Variants in TLE1 observed in about 807,000 individuals in gnomAD.
TLE1 encodes TLE family member 1, transcriptional corepressor, also known as transducin-like enhancer protein 1.
Under a neutral mutation model 89.8 loss-of-function variants are expected in TLE1, and 21 were observed. The ratio of observed to expected loss-of-function variants is 0.23; its 90% CI spans 0.17 to 0.34. The LOEUF (loss-of-function observed/expected upper bound fraction) is 0.34. TLE1 is among the 10% of genes least tolerant of loss of function. The pLI is 1.00. For missense variants in TLE1, 795 were observed against 1,031.2 expected, an observed-to-expected ratio of 0.77 and a Z score of 3.14; for synonymous variants, 447 against 407.6, an observed-to-expected ratio of 1.10 and a Z score of -1.16.
At position 81,585,659 on chromosome 9, in the gene TLE1, C is replaced by T; in HGVS notation, c.1978-4G>A. ...GGCAGTACCCCAGGGAGAAGATCTA[C>T]AAGGAGCAAGACAGGCTCACTCATT... On this transcript the variant is annotated splice_region_variant and splice_polypyrimidine_tract_variant and intron_variant, in intron 17 of 19. Transcript: ENST00000376499. 1 of 1,613,920 alleles carries T rather than the reference C, an allele frequency of 6.2e-7. No homozygotes were observed. Among genetic ancestry groups the T allele is most frequent in the Non-Finnish European group, 8.5e-7 (1 of 1,179,948 alleles).
chr9:81,645,456 G>A (rs1199343666), intron 6 of TLE1, among the ~76,000 whole-genome samples: 3 of 151,488 alleles, frequency 2.0e-5, no homozygotes, highest in Admixed American at 1.3e-4. Context: ...AAAGATAAAT[G>A]CTTGCTGGGT....
intron 4 of TLE1, among the ~76,000 whole-genome samples, chr9:81,657,603 T>C (rs1206741934): frequency 6.6e-6 from 1 of 151,922 alleles, no homozygotes; most frequent in Admixed American, 6.6e-5. Flanking sequence ...ATTAAAGTTA[T>C]CAAAAATAAA....
At chr9:81,646,476 A>C (rs1828878138) in intron 6 of TLE1, among the ~76,000 whole-genome samples, 1 of 152,212 alleles carries the variant, frequency 6.6e-6, no homozygotes. Context: ...CAGGATATGC[A>C]TTATTCTCCT....
intron 13 of TLE1, among the ~76,000 whole-genome samples, chr9:81,610,793 T>C (rs574811858): frequency 9.1e-5 from 13 of 143,260 alleles, no homozygotes; most frequent in African/African-American, 3.4e-4. Context: ...CCAGATATTA[T>C]CAAATGTCCT....
intron 4 of TLE1, among the ~76,000 whole-genome samples, chr9:81,683,362 G>C (rs1833860605): frequency 2.0e-5 from 3 of 151,932 alleles, no homozygotes; most frequent in Admixed American, 1.3e-4. Flanking sequence ...CTAATGCCCA[G>C]TTTCCCCCTA....
intron 9 of TLE1, 100 bp from the exon 10 acceptor site, chr9:81,616,799 A>G (rs1824578131): frequency 7.4e-7 from 1 of 1,354,498 alleles, no homozygotes; most frequent in Admixed American, 1.8e-5. Context: ...GACAGACTAA[A>G]AAAACTACCT....
intron 4 of TLE1, among the ~76,000 whole-genome samples, chr9:81,671,996 C>A (rs1832288923): frequency 6.6e-6 from 1 of 152,132 alleles, no homozygotes; most frequent in South Asian, 2.1e-4. Context: ...GTTCTGGGAC[C>A]CAGGCCAACT....
chr9:81,657,238 T>G (rs1830248441), intron 4 of TLE1, among the ~76,000 whole-genome samples: 1 of 152,216 alleles, frequency 6.6e-6, no homozygotes, highest in Non-Finnish European at 1.5e-5. Flanking sequence ...TTGCTCAGCT[T>G]GCCACTTGTC....
At chr9:81,629,323 TA>T (rs1297348077) in intron 8 of TLE1, among the ~76,000 whole-genome samples, 5 of 152,218 alleles carry the variant, frequency 3.3e-5, no homozygotes, top group Non-Finnish European at 5.9e-5. Flanking sequence ...TATCTAAAGT[TA>T]TTTTTTTATT....
At chr9:81,637,644 C>CTTTTT (rs11375860) in intron 6 of TLE1, among the ~76,000 whole-genome samples, 1 of 138,704 alleles carries the variant, frequency 7.2e-6, no homozygotes, top group Non-Finnish European at 1.5e-5. Flanking sequence ...ATGAAAGTTT[C>CTTTTT]TTTTTTTTTT....
chr9:81,592,009 G>C (rs1036587541), intron 15 of TLE1, among the ~76,000 whole-genome samples: 1 of 152,162 alleles, frequency 6.6e-6, no homozygotes, highest in Non-Finnish European at 1.5e-5. Flanking sequence ...AGGGCAGCTC[G>C]GAGTCTGCTT....
chr9:81,593,373 A>C (rs1469944818), intron 14 of TLE1, 99 bp from the exon 15 acceptor site: 1 of 1,406,666 alleles, frequency 7.1e-7, no homozygotes, highest in African/African-American at 1.5e-5. Context: ...AGATGAAAAA[A>C]AGGAAAGATT....
At chr9:81,669,077 G>C (rs1831871760) in intron 4 of TLE1, among the ~76,000 whole-genome samples, 1 of 152,196 alleles carries the variant, frequency 6.6e-6, no homozygotes, top group African/African-American at 2.4e-5. Flanking sequence ...GGTTCCCACA[G>C]GGCTGGGTTG....
intron 8 of TLE1, among the ~76,000 whole-genome samples, chr9:81,631,733 G>A (rs1826637684): frequency 1.3e-5 from 2 of 152,226 alleles, no homozygotes; most frequent in African/African-American, 4.8e-5. Flanking sequence ...AAGGGCATGG[G>A]CTTTCCCCAA....
chr9:81,665,507 AAAAG>A (rs1474836144), intron 4 of TLE1, among the ~76,000 whole-genome samples: 13 of 152,196 alleles, frequency 8.5e-5, no homozygotes, highest in African/African-American at 2.4e-4. Flanking sequence ...AGGAGGGGTT[AAAAG>A]AAAGGAAGGA....
intron 6 of TLE1, among the ~76,000 whole-genome samples, chr9:81,643,167 T>C (rs1241036054): frequency 2.6e-5 from 4 of 152,164 alleles, no homozygotes; most frequent in East Asian, 1.9e-4. Flanking sequence ...ACGGTGACTA[T>C]AGTTAATAAT....
chr9:81,639,425 T>C (rs1259160092), intron 6 of TLE1, among the ~76,000 whole-genome samples: 4 of 152,204 alleles, frequency 2.6e-5, no homozygotes, highest in African/African-American at 4.8e-5. Context: ...GATGTTTTTT[T>C]CAACATGACA....
intron 6 of TLE1, among the ~76,000 whole-genome samples, chr9:81,638,286 A>G (rs2132424963): frequency 6.6e-6 from 1 of 152,330 alleles, no homozygotes; most frequent in South Asian, 2.1e-4. Context: ...CGTCAAGAAG[A>G]ATCAAGCCTA....
intron 4 of TLE1, among the ~76,000 whole-genome samples, chr9:81,658,489 G>A (rs746617245): frequency 9.9e-5 from 15 of 152,116 alleles, no homozygotes; most frequent in Admixed American, 2.6e-4. Flanking sequence ...CTTCCCCTCC[G>A]TCTGCCAGGT....
Sources: gnomAD v4.1 joint callset for allele counts (sites outside exome capture counted in the v4.1 genomes callset) on GRCh38, gnomAD v4.1.1 for gene constraint, MANE v1.5 for transcripts, NCBI Gene and HGNC (gene_info 2026-07-23, HGNC 2026-07-21) for gene names.